USP34: variants seen among roughly 807,000 people sequenced by gnomAD.
USP34 encodes ubiquitin carboxyl-terminal hydrolase 34.
USP34 carries 70 observed loss-of-function variants against 460.3 expected under a neutral mutation model. The observed-to-expected ratio is 0.15, with a 90% CI of 0.13 to 0.19. USP34 has a LOEUF of 0.19. USP34 is among the 10% of genes least tolerant of loss of function. The pLI, the probability that USP34 is intolerant of heterozygous loss-of-function variation, is 1.00. For synonymous variants in USP34, 1,647 were observed against 1,405.3 expected (o/e 1.17, Z -3.85); for missense variants, 3,985 against 4,236.2 (o/e 0.94, Z 1.65).
In USP34 at chr2:61,314,928, G is replaced by C. The variant is rs1690697805; in HGVS notation, c.3329C>G (p.Ser1110Cys). 2 of 1,613,832 alleles carry C rather than the reference G, an allele frequency of 1.2e-6. No individual in the cohort carries two copies. The highest frequency in any genetic ancestry group is 8.5e-7 in the Non-Finnish European group (1 of 1,179,896). The stretch of plus-strand genomic sequence containing the variant: ...GATAGCTGCTCGACTGACATCACCA[G>C]ATTGTGCTCTTAAAGCAATGCCCCA... ...QFWGIALRAQ[S>C]GDVSRAAIQY... Residue 1110 changes from serine to cysteine, a missense_variant, in exon 24 of 80, where the codon TCT becomes TGT. This residue lies in a region of USP34 where 1,114 missense variants were observed against 1,122.5 expected (regional missense o/e 0.99). Coordinates refer to ENST00000398571, the MANE Select transcript of USP34 (RefSeq NM_014709.4).
intron 10 of USP34, among the ~76,000 whole-genome samples, chr2:61,369,131 T>C (rs1692527830): frequency 6.6e-6 from 1 of 152,118 alleles, no homozygotes; most frequent in Non-Finnish European, 1.5e-5. Context: ...TTTTCACCCA[T>C]CAGGTTGGCA....
At chr2:61,416,527 C>T (rs1164005584) in intron 2 of USP34, among the ~76,000 whole-genome samples, 2 of 151,922 alleles carry the variant, frequency 1.3e-5, no homozygotes, top group Admixed American at 6.6e-5. Context: ...AGATATAAAC[C>T]TAACTCAGTT....
intron 5 of USP34, among the ~76,000 whole-genome samples, chr2:61,387,613 AAT>A (rs1026533166): frequency 1.1e-4 from 16 of 147,452 alleles, no homozygotes; most frequent in Admixed American, 4.8e-4. Context: ...ACATATATAA[AAT>A]ATATATTTTT....
chr2:61,443,075 T>TA (rs35469160), intron 1 of USP34, among the ~76,000 whole-genome samples: 3 of 151,624 alleles, frequency 2.0e-5, no homozygotes, highest in Admixed American at 6.6e-5. Context: ...ATGTGGAAGC[T>TA]AAAAAAAGGT....
chr2:61,319,064 G>C, intron 22 of USP34, 109 bp downstream of exon 22: 1 of 1,063,134 alleles, frequency 9.4e-7, no homozygotes, highest in Non-Finnish European at 1.3e-6. Context: ...ATTACATTTG[G>C]CTACTTAAAA....
intron 41 of USP34, among the ~76,000 whole-genome samples, chr2:61,276,881 G>C (rs1291617988): frequency 6.6e-6 from 1 of 152,122 alleles, no homozygotes; most frequent in Non-Finnish European, 1.5e-5. Flanking sequence ...ATGCCTATGA[G>C]GACAATCTTC....
At chr2:61,394,533 CAA>C (rs200686763) in intron 5 of USP34, among the ~76,000 whole-genome samples, 6,081 of 107,852 alleles carry the variant, frequency 0.056, 39 homozygotes, top group Middle Eastern at 0.076. Flanking sequence ...CCCTCTCTCT[CAA>C]AAAAAAAAAA....
intron 71 of USP34, 25 bp from the exon 72 acceptor site, chr2:61,206,149 A>C (rs1687111743): frequency 1.9e-6 from 3 of 1,584,432 alleles, no homozygotes; most frequent in African/African-American, 2.7e-5. Context: ...GCACATATAA[A>C]TATGCCATCT....
At chr2:61,372,046 T>C (rs1423256311) in intron 8 of USP34, among the ~76,000 whole-genome samples, 1 of 152,188 alleles carries the variant, frequency 6.6e-6, no homozygotes, top group African/African-American at 2.4e-5. Flanking sequence ...CATATGACTA[T>C]ATTATAAAAT....
intron 1 of USP34, among the ~76,000 whole-genome samples, chr2:61,454,887 GTTGT>G (rs1054235564): frequency 2.9e-5 from 3 of 102,516 alleles, no homozygotes; most frequent in African/African-American, 8.4e-5. Flanking sequence ...TTTTTTTTTG[GTTGT>G]TTATTTGAGA....
intron 48 of USP34, 96 bp downstream of exon 48, chr2:61,256,288 C>G: frequency 8.9e-7 from 1 of 1,123,026 alleles, no homozygotes; most frequent in Non-Finnish European, 1.3e-6. Flanking sequence ...TTACCTTCAT[C>G]ATATAATTTC....
chr2:61,307,320 TG>T (rs1042853476), intron 27 of USP34, among the ~76,000 whole-genome samples: 1 of 26,778 alleles, frequency 3.7e-5, no homozygotes, highest in African/African-American at 1.6e-4. Flanking sequence ...TGTCATGGGG[TG>T]GGGGGAGGGG....
At chr2:61,200,631 T>C (rs972870586) in intron 75 of USP34, 1 of 152,310 alleles carries the variant, frequency 6.6e-6, no homozygotes, top group African/African-American at 2.4e-5. Flanking sequence ...TCACAATATT[T>C]TAATATTGTG....
intron 1 of USP34, among the ~76,000 whole-genome samples, chr2:61,456,278 G>A (rs1695435863): frequency 6.6e-6 from 1 of 152,166 alleles, no homozygotes; most frequent in South Asian, 2.1e-4. Flanking sequence ...TTAGTTATGA[G>A]ATTTGGGTGA....
chr2:61,343,788 T>C lies in USP34; in HGVS notation c.2500+27A>G, dbSNP rs760456401. ...ATTATTCCTGTTGTGAAGAAGGTAA[T>C]ATATTTTACTTACTGTAGAGTCTTA... On this transcript the variant is annotated intron_variant, in intron 16 of 79. Transcript: ENST00000398571. 5.0e-6 allele frequency: 8 copies of C among 1,590,592 alleles called. No individual in the cohort carries two copies. In the Middle Eastern group the frequency reaches 1.2e-3, roughly 232 times the overall value.
At chr2:61,379,417 G>A (rs1692906625) in intron 7 of USP34, among the ~76,000 whole-genome samples, 1 of 152,136 alleles carries the variant, frequency 6.6e-6, no homozygotes, top group African/African-American at 2.4e-5. Flanking sequence ...CTACTCAGGA[G>A]GCTGAGGCAA....
intron 71 of USP34, 43 bp from the exon 72 acceptor site, chr2:61,206,167 A>T: frequency 6.6e-7 from 1 of 1,517,742 alleles, no homozygotes; most frequent in African/African-American, 1.4e-5. Flanking sequence ...TCTGAGATCA[A>T]ACTTCCTCAC....
intron 1 of USP34, among the ~76,000 whole-genome samples, chr2:61,435,941 T>C (rs1438476100): frequency 6.6e-6 from 1 of 152,114 alleles, no homozygotes; most frequent in Non-Finnish European, 1.5e-5. Context: ...GGCAGGAGAA[T>C]CGCTTGAACC....
At chr2:61,387,237 G>A (rs997268054) in intron 5 of USP34, among the ~76,000 whole-genome samples, 1 of 152,094 alleles carries the variant, frequency 6.6e-6, no homozygotes, top group Admixed American at 6.6e-5. Flanking sequence ...GAGGCAGTCA[G>A]ATCACTTTGA....
Sources: allele counts gnomAD v4.1 joint callset (sites outside exome capture counted in the v4.1 genomes callset), GRCh38; gene constraint gnomAD v4.1.1; regional missense constraint gnomAD v4.1.1; transcripts MANE v1.5; gene names NCBI Gene and HGNC (gene_info 2026-07-23, HGNC 2026-07-21).